Variants in MTUS2 observed in about 807,000 individuals in gnomAD.
MTUS2 encodes microtubule associated scaffold protein 2.
Under a neutral mutation model 114.1 loss-of-function variants are expected in MTUS2, and 40 were observed. The observed-to-expected ratio is 0.35, with a 90% confidence interval of 0.27 to 0.46. MTUS2 has a LOEUF of 0.46. Among genes scored for constraint, MTUS2 ranks in the 20% least tolerant of loss-of-function variants. MTUS2 has a pLI of 1.00. For synonymous variants in MTUS2, 688 were observed against 672.0 expected, an observed-to-expected ratio of 1.02 and a Z score of -0.37; for missense variants, 1,679 against 1,705.4, an observed-to-expected ratio of 0.98 and a Z score of 0.27.
chr13:29,108,069 A>G (rs1031751194), intron 5 of MTUS2, among the ~76,000 whole-genome samples: 2 of 152,242 alleles, frequency 1.3e-5, no homozygotes, highest in Non-Finnish European at 2.9e-5. Context: ...ATACATTTAC[A>G]TACATAACAC....
chr13:29,231,642 G>A (rs1250328482), intron 5 of MTUS2, among the ~76,000 whole-genome samples: 1 of 152,128 alleles, frequency 6.6e-6, no homozygotes, highest in African/African-American at 2.4e-5. Flanking sequence ...CCCCTAAAAG[G>A]CTTCATGTTC....
At chr13:29,375,739 T>C (rs1040405758) in intron 8 of MTUS2, among the ~76,000 whole-genome samples, 1 of 149,780 alleles carries the variant, frequency 6.7e-6, no homozygotes, top group Non-Finnish European at 1.5e-5. Context: ...GGTTACTCAG[T>C]AATGGAAACC....
At chr13:29,482,302 T>C (rs1881248013) in intron 10 of MTUS2, 2 of 152,224 alleles carry the variant, frequency 1.3e-5, no homozygotes, top group East Asian at 1.9e-4. Context: ...GCCTCACCTA[T>C]GCAGAAGCAT....
At chr13:28,861,942 A>G (rs542384333) in intron 2 of MTUS2, among the ~76,000 whole-genome samples, 60 of 152,138 alleles carry the variant, frequency 3.9e-4, no homozygotes, top group African/African-American at 1.2e-3. Flanking sequence ...GCAATCTTCT[A>G]CCCCATATAT....
intron 8 of MTUS2, among the ~76,000 whole-genome samples, chr13:29,393,888 C>T (rs917497700): frequency 2.6e-5 from 4 of 152,134 alleles, no homozygotes; most frequent in East Asian, 1.9e-4. Flanking sequence ...AAAAGACAAA[C>T]GGTTGCATTC....
At chr13:28,825,588 C>T (rs781286061) in intron 1 of MTUS2, among the ~76,000 whole-genome samples, 4 of 152,192 alleles carry the variant, frequency 2.6e-5, no homozygotes, top group Non-Finnish European at 4.4e-5. Context: ...CACACACACA[C>T]ACCCCTGGCA....
At chr13:29,370,014 T>C (rs1871072963) in intron 8 of MTUS2, among the ~76,000 whole-genome samples, 1 of 152,170 alleles carries the variant, frequency 6.6e-6, no homozygotes, top group Non-Finnish European at 1.5e-5. Context: ...AAGATATCCA[T>C]AATCACTTTT....
At chr13:29,122,405 G>T (rs548435462) in intron 5 of MTUS2, among the ~76,000 whole-genome samples, 1 of 152,242 alleles carries the variant, frequency 6.6e-6, no homozygotes, top group Non-Finnish European at 1.5e-5. Context: ...AGCAAGCACC[G>T]CCTCTTTCAC....
At chr13:29,274,648 T>G (rs780197854) in intron 5 of MTUS2, among the ~76,000 whole-genome samples, 4 of 152,242 alleles carry the variant, frequency 2.6e-5, no homozygotes, top group Non-Finnish European at 5.9e-5. Flanking sequence ...ATTTCCCATT[T>G]GTATATCTTG....
At chr13:29,247,416 A>C (rs1209402442) in intron 5 of MTUS2, among the ~76,000 whole-genome samples, 1 of 152,184 alleles carries the variant, frequency 6.6e-6, no homozygotes, top group Non-Finnish European at 1.5e-5. Context: ...GATGGGACTT[A>C]AAACTAAAAA....
chr13:29,319,243 A>G (rs1900149389), intron 6 of MTUS2, among the ~76,000 whole-genome samples: 1 of 152,238 alleles, frequency 6.6e-6, no homozygotes, highest in African/African-American at 2.4e-5. Context: ...TTAGGCAACA[A>G]GAAAGCAAAA....
At chr13:28,827,630 T>C (rs1380642121) in intron 1 of MTUS2, among the ~76,000 whole-genome samples, 2 of 152,210 alleles carry the variant, frequency 1.3e-5, no homozygotes, top group African/African-American at 4.8e-5. Context: ...GTGGGTCCTT[T>C]TCTATTTTCC....
intron 6 of MTUS2, among the ~76,000 whole-genome samples, chr13:29,320,141 A>G (rs1273760050): frequency 6.6e-6 from 1 of 152,208 alleles, no homozygotes. Flanking sequence ...CAATGTCATC[A>G]TAAGCATCCT....
intron 2 of MTUS2, among the ~76,000 whole-genome samples, chr13:29,020,285 C>G (rs1216053123): frequency 6.6e-6 from 1 of 152,184 alleles, no homozygotes; most frequent in Non-Finnish European, 1.5e-5. Flanking sequence ...AAATGCACCT[C>G]AACTAGGGGT....
At chr13:29,000,563 G>A (rs575237100) in intron 2 of MTUS2, among the ~76,000 whole-genome samples, 24 of 151,980 alleles carry the variant, frequency 1.6e-4, no homozygotes, top group Non-Finnish European at 3.5e-4. Flanking sequence ...ACAGGGCTTC[G>A]CCATGTTGTC....
At chr13:29,427,510 A>G (rs978096612) in intron 8 of MTUS2, among the ~76,000 whole-genome samples, 8 of 152,314 alleles carry the variant, frequency 5.3e-5, no homozygotes, top group East Asian at 1.9e-4. Context: ...CGTACATTCA[A>G]TATTTTGATA....
chr13:29,197,439 G>C (rs1173598927), intron 5 of MTUS2, among the ~76,000 whole-genome samples: 1 of 152,146 alleles, frequency 6.6e-6, no homozygotes, highest in Non-Finnish European at 1.5e-5. Context: ...TGGTGTATAT[G>C]TGCCACATTT....
chr13:28,926,404 A>G (rs776658735), intron 2 of MTUS2, among the ~76,000 whole-genome samples: 3 of 150,872 alleles, frequency 2.0e-5, no homozygotes, highest in Non-Finnish European at 2.9e-5. Context: ...AATTTGCTGA[A>G]TTTACTGAAG....
chr13:29,199,550 A>G (rs962380414), intron 5 of MTUS2, among the ~76,000 whole-genome samples: 1 of 152,118 alleles, frequency 6.6e-6, no homozygotes, highest in Non-Finnish European at 1.5e-5. Flanking sequence ...CGAGTTGATC[A>G]TGGTGGATAA....
Sources: allele counts gnomAD v4.1 joint callset (sites outside exome capture counted in the v4.1 genomes callset), GRCh38; gene constraint gnomAD v4.1.1; transcripts MANE v1.5; gene names NCBI Gene and HGNC (gene_info 2026-07-23, HGNC 2026-07-21).